FAM153A: variants seen among roughly 807,000 people sequenced by gnomAD.
FAM153A encodes the protein family with sequence similarity 153 member A.
Under a neutral mutation model 48.1 loss-of-function variants are expected in FAM153A, and 12 were observed. That is an observed-to-expected ratio of 0.25 (90% CI 0.16 to 0.40). The LOEUF (loss-of-function observed/expected upper bound fraction) is 0.40, where lower values mean the gene tolerates loss of function less well. Among genes scored for constraint, FAM153A ranks in the 10% least tolerant of loss-of-function variants. The pLI, the probability that FAM153A is intolerant of heterozygous loss-of-function variation, is 1.00. For missense variants in FAM153A, 111 were observed against 345.8 expected, an observed-to-expected ratio of 0.32 and a Z score of 5.38; for synonymous variants, 36 against 118.2, an observed-to-expected ratio of 0.30 and a Z score of 4.51.
chr5:177,759,911 AC>A (rs1353655417), intron 1 of FAM153A, among the ~76,000 whole-genome samples: 1 of 151,690 alleles, frequency 6.6e-6, no homozygotes, highest in Non-Finnish European at 1.5e-5. Flanking sequence ...TATGTAACAA[AC>A]CTGCACGTTG....
At chr5:177,705,996 A>G (rs1199277859), downstream of FAM153A, among the ~76,000 whole-genome samples, 1 of 151,758 alleles carries the variant, frequency 6.6e-6, no homozygotes, top group Non-Finnish European at 1.5e-5. Flanking sequence ...AAGACCTAAG[A>G]AAGACATTTT....
chr5:177,709,128 A>G (rs1224246487), downstream of FAM153A, among the ~76,000 whole-genome samples: 2 of 139,376 alleles, frequency 1.4e-5, no homozygotes, highest in South Asian at 4.4e-4. Context: ...AAAAAAAAAA[A>G]AAAAGAAAGA....
exon 27 of FAM153A, chr5:177,712,833 A>ATC (rs1215529473): frequency 6.7e-6 from 1 of 149,894 alleles, no homozygotes; most frequent in Non-Finnish European, 1.5e-5. Context: ...CAAAGGCTGA[A>ATC]TCAGGACATG....
chr5:177,734,928 T>C (rs760226256), exon 13 of FAM153A: 2 of 1,538,942 alleles, frequency 1.3e-6, no homozygotes, highest in Non-Finnish European at 1.8e-6. Context: ...ACATCCCTGA[T>C]CAGAACTAGG....
upstream of FAM153A, among the ~76,000 whole-genome samples, chr5:177,755,698 A>C (rs1313331752): frequency 6.6e-6 from 1 of 151,712 alleles, no homozygotes; most frequent in African/African-American, 2.4e-5. Context: ...CTTAAAGAAA[A>C]GAATTTTCAA....
chr5:177,699,327 A>C, the FAM153A span, among the ~76,000 whole-genome samples: 76 of 151,516 alleles, frequency 5.0e-4, no homozygotes, highest in Non-Finnish European at 9.0e-4. Context: ...AGAAGGAAGG[A>C]AATATTAATG....
chr5:177,715,188 T>C (rs1759424876), intron 25 of FAM153A, among the ~76,000 whole-genome samples: 1 of 151,778 alleles, frequency 6.6e-6, no homozygotes, highest in African/African-American at 2.4e-5. Context: ...TTCACCATGT[T>C]GGCCAGGCTG....
chr5:177,736,679 T>C, intron 11 of FAM153A, 70 bp from the exon 14 acceptor site: 2 of 1,548,656 alleles, frequency 1.3e-6, no homozygotes, highest in South Asian at 1.2e-5. Flanking sequence ...TTCTCTTCAC[T>C]TGTTTATGTT....
intron 1 of FAM153A, among the ~76,000 whole-genome samples, chr5:177,759,837 A>G (rs1768135203): frequency 6.6e-6 from 1 of 151,864 alleles, no homozygotes; most frequent in Admixed American, 6.6e-5. Context: ...TAGCATTAGG[A>G]GATATACTTA....
At chr5:177,706,446 G>A (rs1225076381), downstream of FAM153A, among the ~76,000 whole-genome samples, 2 of 151,686 alleles carry the variant, frequency 1.3e-5, no homozygotes, top group Non-Finnish European at 2.9e-5. Context: ...TGATCCACCC[G>A]CCTCGGCCTC....
At chr5:177,698,790 C>T in the FAM153A span, among the ~76,000 whole-genome samples, 1 of 151,610 alleles carries the variant, frequency 6.6e-6, no homozygotes, top group African/African-American at 2.4e-5. Flanking sequence ...TCCTGAGTAG[C>T]TGGGACCACA....
At chr5:177,753,279 A>G (rs533437062), upstream of FAM153A, 107 of 1,370,842 alleles carry the variant, frequency 7.8e-5, 1 homozygote, top group South Asian at 7.1e-4. Flanking sequence ...TTAAAATGAA[A>G]GGCAAGACCT....
At chr5:177,712,773 TG>T (rs1373137564) in exon 27 of FAM153A, 2 of 151,770 alleles carry the variant, frequency 1.3e-5, no homozygotes, top group Admixed American at 6.6e-5. Context: ...ACGTATCAGG[TG>T]GTCTTTGTAG....
At chr5:177,732,301 C>T (rs1410365854) in intron 14 of FAM153A, among the ~76,000 whole-genome samples, 1 of 115,890 alleles carries the variant, frequency 8.6e-6, no homozygotes, top group African/African-American at 2.8e-5. Flanking sequence ...AAGACAGAGC[C>T]TTGGTCCTCT....
At position 177,779,142 on chromosome 5, in the gene FAM153A, T is replaced by C. The variant is rs551109887; in HGVS notation, c.-57+1307A>G. 2.8e-4 allele frequency among the ~76,000 whole-genome samples: 42 copies of C among 151,834 alleles called. 3 individuals carry two copies. The South Asian group carries it at 3.1e-3, about 11-fold the overall frequency. ...CTTTTCATTTCTTATAAAACTAAAA[T>C]ATGGTTGACCCATTCAAGGCAGTTC... is the stretch of plus-strand genomic sequence containing the variant. On this transcript the variant is annotated intron_variant, in intron 1 of 8. Transcript: ENST00000393518.
chr5:177,703,643 C>T (rs1161406334), downstream of FAM153A, among the ~76,000 whole-genome samples: 4 of 137,740 alleles, frequency 2.9e-5, no homozygotes, highest in Non-Finnish European at 4.7e-5. Flanking sequence ...GGCGGTTTCT[C>T]TGTTTGAGGT....
downstream of FAM153A, among the ~76,000 whole-genome samples, chr5:177,719,222 A>G (rs1371520090): frequency 6.6e-6 from 1 of 151,366 alleles, no homozygotes; most frequent in Non-Finnish European, 1.5e-5. Context: ...TTATAACTTC[A>G]GTCAATTATA....
chr5:177,755,330 C>G (rs1364289907), upstream of FAM153A, among the ~76,000 whole-genome samples: 1 of 151,716 alleles, frequency 6.6e-6, no homozygotes, highest in African/African-American at 2.4e-5. Flanking sequence ...AAATATGGGA[C>G]TATGTGAAAA....
chr5:177,701,239 A>C, the FAM153A span, among the ~76,000 whole-genome samples: 2,128 of 151,944 alleles, frequency 0.014, 108 homozygotes, highest in African/African-American at 0.05. Flanking sequence ...CTGTAAAATC[A>C]TGAGTCAATT....
Sources: allele counts gnomAD v4.1 joint callset (sites outside exome capture counted in the v4.1 genomes callset), GRCh38; gene constraint gnomAD v4.1.1; transcripts MANE v1.5; gene names NCBI Gene and HGNC (gene_info 2026-07-23, HGNC 2026-07-21).